Variants in CDH12 observed in about 807,000 individuals in gnomAD.
CDH12 encodes cadherin 12.
Under a neutral mutation model 74.1 loss-of-function variants are expected in CDH12, and 41 were observed. That is an observed-to-expected ratio of 0.55 (90% confidence interval 0.43 to 0.72). The LOEUF is 0.72. Among genes scored for constraint, CDH12 ranks in the 30% least tolerant of loss-of-function variants. The probability of loss-of-function intolerance (pLI) is 0.00; values close to 1 mark genes in which losing one functional copy is unlikely to be tolerated. For synonymous variants in CDH12, 399 were observed against 355.0 expected, an observed-to-expected ratio of 1.12 and a Z score of -1.39; for missense variants, 945 against 977.2, an observed-to-expected ratio of 0.97 and a Z score of 0.44.
intron 3 of CDH12, among the ~76,000 whole-genome samples, chr5:22,288,090 T>C (rs1331864868): frequency 1.3e-5 from 2 of 152,120 alleles, no homozygotes; most frequent in African/African-American, 4.8e-5. Flanking sequence ...TATTTTAAAG[T>C]CTAGGATGAG....
At chr5:22,583,072 A>G (rs1740186685) in intron 1 of CDH12, among the ~76,000 whole-genome samples, 1 of 151,354 alleles carries the variant, frequency 6.6e-6, no homozygotes, top group Admixed American at 6.6e-5. Flanking sequence ...ATTTCAGGGC[A>G]CTCATCTACA....
chr5:22,125,731 G>T (rs1374439054), intron 4 of CDH12, among the ~76,000 whole-genome samples: 1 of 152,156 alleles, frequency 6.6e-6, no homozygotes, highest in Non-Finnish European at 1.5e-5. Flanking sequence ...ACACATCCCA[G>T]TGTTTCCTCA....
chr5:21,816,989 C>G lies in CDH12; in HGVS notation c.958G>C (p.Val320Leu). Residue 320 changes from valine to leucine, a missense_variant, in exon 9 of 15, where the codon GTC becomes CTC. Coordinates refer to ENST00000382254, the MANE Select transcript of CDH12 (RefSeq NM_004061.5). ...CCCTCTTGTGTATCCTCATCTGTGACGATGTCAAACAAATTTCCCCCATCT... is the reference window on the plus strand; with the variant it reads ...CCCTCTTGTGTATCCTCATCTGTGAGGATGTCAAACAAATTTCCCCCATCT... ...PGDGGNLFDI[V>L]TDEDTQEGVI... is the part of the protein sequence containing the mutation. 1 of 1,612,126 alleles carries G rather than the reference C, an allele frequency of 6.2e-7. No individual in the cohort carries two copies. Among genetic ancestry groups the G allele is most frequent in the Non-Finnish European group, 8.5e-7 (1 of 1,178,890 alleles).
intron 3 of CDH12, among the ~76,000 whole-genome samples, chr5:22,225,321 T>C (rs899089224): frequency 1.3e-5 from 2 of 152,034 alleles, no homozygotes; most frequent in Admixed American, 1.3e-4. Flanking sequence ...TTTGGAAAAA[T>C]GTTTTGTATT....
intron 2 of CDH12, among the ~76,000 whole-genome samples, chr5:22,472,372 T>C (rs1209960221): frequency 6.6e-6 from 1 of 152,088 alleles, no homozygotes; most frequent in Non-Finnish European, 1.5e-5. Context: ...ATCCTTCCTC[T>C]TCTCTCTCTA....
chr5:22,120,854 T>A (rs922614179), intron 4 of CDH12, among the ~76,000 whole-genome samples: 1 of 152,144 alleles, frequency 6.6e-6, no homozygotes. Context: ...AATGTACAGG[T>A]TTTTTAAAAA....
intron 3 of CDH12, among the ~76,000 whole-genome samples, chr5:22,294,963 C>G (rs1280252073): frequency 6.6e-6 from 1 of 152,140 alleles, no homozygotes; most frequent in African/African-American, 2.4e-5. Context: ...GCCTCTGTCT[C>G]CCAGTTTCTG....
chr5:22,625,828 G>A (rs962363663), intron 1 of CDH12, among the ~76,000 whole-genome samples: 15 of 152,104 alleles, frequency 9.9e-5, no homozygotes, highest in African/African-American at 3.6e-4. Flanking sequence ...ACTGACCTTT[G>A]TTGACTCAAC....
chr5:22,348,156 G>A (rs1740202662), intron 3 of CDH12, among the ~76,000 whole-genome samples: 1 of 152,172 alleles, frequency 6.6e-6, no homozygotes, highest in Admixed American at 6.5e-5. Context: ...CCACAGCCCT[G>A]ATAGAGTCAG....
chr5:22,289,561 T>C (rs1419310467), intron 3 of CDH12, among the ~76,000 whole-genome samples: 4 of 152,088 alleles, frequency 2.6e-5, no homozygotes, highest in Non-Finnish European at 4.4e-5. Context: ...AAACATCAAT[T>C]TGAACAACTA....
intron 2 of CDH12, among the ~76,000 whole-genome samples, chr5:22,464,210 C>T (rs879116263): frequency 1.3e-5 from 2 of 152,152 alleles, no homozygotes; most frequent in East Asian, 1.9e-4. Context: ...CCTTGCCTTC[C>T]CTGATGATTG....
At chr5:22,525,771 A>G (rs1290244462) in intron 1 of CDH12, among the ~76,000 whole-genome samples, 1 of 152,128 alleles carries the variant, frequency 6.6e-6, no homozygotes, top group Admixed American at 6.5e-5. Flanking sequence ...ATTGCATGTC[A>G]TGTAGTCCAA....
At chr5:22,734,699 G>A (rs146461001) in intron 1 of CDH12, among the ~76,000 whole-genome samples, 1 of 152,058 alleles carries the variant, frequency 6.6e-6, no homozygotes, top group Admixed American at 6.6e-5. Context: ...TCTCACTAAT[G>A]AGTTGAATTT....
intron 1 of CDH12, among the ~76,000 whole-genome samples, chr5:22,658,909 A>C (rs1459802801): frequency 6.6e-6 from 1 of 152,236 alleles, no homozygotes; most frequent in South Asian, 2.1e-4. Context: ...GCAAAGGCTT[A>C]TAGGGGGGGA....
intron 1 of CDH12, among the ~76,000 whole-genome samples, chr5:22,747,955 GTAGAGAA>G (rs1745378941): frequency 6.6e-6 from 1 of 152,174 alleles, no homozygotes; most frequent in Admixed American, 6.5e-5. Context: ...ATAAATTTGA[GTAGAGAA>G]GAATTGGTTC....
At chr5:22,491,882 C>CGTCTTCTCCTGTCTTCACGAT (rs1297921395) in intron 2 of CDH12, among the ~76,000 whole-genome samples, 1 of 152,066 alleles carries the variant, frequency 6.6e-6, no homozygotes, top group Non-Finnish European at 1.5e-5. Context: ...TGTAGATGAC[C>CGTCTTCTCCTGTCTTCACGAT]GTCTTCTCCT....
chr5:22,669,239 T>C (rs542534761), intron 1 of CDH12, among the ~76,000 whole-genome samples: 23 of 152,150 alleles, frequency 1.5e-4, no homozygotes, highest in Admixed American at 1.2e-3. Context: ...ACCCAGGAAC[T>C]GTTGCTAGAA....
intron 1 of CDH12, among the ~76,000 whole-genome samples, chr5:22,524,973 A>G (rs896464003): frequency 1.3e-5 from 1 of 78,612 alleles, no homozygotes. Flanking sequence ...CCTCCACCCC[A>G]CAACCGTCCC....
At chr5:21,752,727 A>G (rs1006967929) in intron 14 of CDH12, among the ~76,000 whole-genome samples, 2 of 152,052 alleles carry the variant, frequency 1.3e-5, no homozygotes, top group Non-Finnish European at 2.9e-5. Context: ...TAAGAAAGAG[A>G]GAAGTAGAGG....
Sources: allele counts gnomAD v4.1 joint callset (sites outside exome capture counted in the v4.1 genomes callset), GRCh38; gene constraint gnomAD v4.1.1; transcripts MANE v1.5; gene names NCBI Gene and HGNC (gene_info 2026-07-23, HGNC 2026-07-21).